The following CRYM variants were observed in gnomAD, a reference collection of about 807,000 sequenced individuals.
CRYM encodes the protein ketimine reductase mu-crystallin.
A neutral mutation model predicts 32.9 loss-of-function variants in CRYM; 18 were observed. That is an observed-to-expected ratio of 0.55 (90% CI 0.38 to 0.81). The LOEUF (loss-of-function observed/expected upper bound fraction) is 0.81, where lower values mean the gene tolerates loss of function less well. Among genes scored for constraint, CRYM ranks in the 30% least tolerant of loss-of-function variants. CRYM has a pLI of 0.00. For synonymous variants in CRYM, 153 were observed against 152.4 expected, an observed-to-expected ratio of 1.00 and a Z score of -0.03; for missense variants, 337 against 393.5, an observed-to-expected ratio of 0.86 and a Z score of 1.21.
intron 1 of CRYM, among the ~76,000 whole-genome samples, chr16:21,295,122 T>C (rs1304603939): frequency 6.6e-6 from 1 of 152,244 alleles, no homozygotes; most frequent in Non-Finnish European, 1.5e-5. Context: ...AGTGCTGCGA[T>C]AAACATACAT....
chr16:21,299,985 T>C (rs1047377702), intron 1 of CRYM: 5 of 152,206 alleles, frequency 3.3e-5, no homozygotes, highest in Non-Finnish European at 7.4e-5. Flanking sequence ...AAGGTGATGG[T>C]AGAAATCTTG....
chr16:21,274,583 A>G (rs1466561294), intron 3 of CRYM, among the ~76,000 whole-genome samples: 2 of 152,026 alleles, frequency 1.3e-5, no homozygotes, highest in Non-Finnish European at 2.9e-5. Flanking sequence ...AACTCAACAG[A>G]TGTTTTTGTT....
chr16:21,298,601 G>T (rs1021297674), intron 1 of CRYM, among the ~76,000 whole-genome samples: 1 of 152,200 alleles, frequency 6.6e-6, no homozygotes, highest in Non-Finnish European at 1.5e-5. Context: ...AATTTTAGGG[G>T]TGCATGTGTA....
At chr16:21,287,528 G>C (rs1236897318) in intron 1 of CRYM, among the ~76,000 whole-genome samples, 1 of 152,194 alleles carries the variant, frequency 6.6e-6, no homozygotes, top group Non-Finnish European at 1.5e-5. Flanking sequence ...GTTGCCAGAG[G>C]AATCAACCAT....
intron 7 of CRYM, among the ~76,000 whole-genome samples, chr16:21,260,010 T>C (rs1053586259): frequency 6.6e-6 from 1 of 152,210 alleles, no homozygotes; most frequent in African/African-American, 2.4e-5. Flanking sequence ...TGTGATGTCT[T>C]TGAACCAGGC....
chr16:21,277,283 G>A lies in CRYM; in HGVS notation c.324+148C>T. On this transcript the variant is annotated intron_variant, in intron 2 of 7. Transcript: ENST00000572914. This position sits in a 1 kb window ranked among gnomAD's most constrained non-coding sequence, Gnocchi z 4.2. The stretch of plus-strand genomic sequence containing the variant: ...TCCTAGAAATAGATACATGGACACA[G>A]ATAACCTTCACTGTTGCTGGTATCC... 1.2e-6 allele frequency: 1 copy of A among 836,290 alleles called. No homozygotes were observed. Among genetic ancestry groups the A allele is most frequent in the Non-Finnish European group, 1.9e-6 (1 of 522,598 alleles). 51.8% of individuals were successfully genotyped at this position (836,290 alleles called of 1,614,324 possible).
At chr16:21,290,922 C>T (rs866659584) in intron 1 of CRYM, among the ~76,000 whole-genome samples, 14 of 152,188 alleles carry the variant, frequency 9.2e-5, no homozygotes, top group Admixed American at 3.9e-4. Context: ...GTTTCTTGTT[C>T]GCATGAGATG....
chr16:21,299,538 G>C (rs563922758), intron 1 of CRYM, among the ~76,000 whole-genome samples: 7 of 152,162 alleles, frequency 4.6e-5, no homozygotes, highest in Non-Finnish European at 8.8e-5. Context: ...CCAAACTCCT[G>C]ACCTCAGGTG....
intron 3 of CRYM, among the ~76,000 whole-genome samples, chr16:21,273,742 T>A (rs953883990): frequency 4.6e-5 from 7 of 152,214 alleles, no homozygotes; most frequent in African/African-American, 1.7e-4. Flanking sequence ...ATTAATACTT[T>A]CTCTGCCTTC....
intron 4 of CRYM, among the ~76,000 whole-genome samples, chr16:21,269,544 C>T (rs966999956): frequency 1.6e-4 from 25 of 152,190 alleles, no homozygotes; most frequent in Non-Finnish European, 1.5e-5. Context: ...ACCGAGTAAG[C>T]TTGCTGTATC....
At chr16:21,269,297 C>T (rs1268904083) in intron 4 of CRYM, among the ~76,000 whole-genome samples, 1 of 151,840 alleles carries the variant, frequency 6.6e-6, no homozygotes, top group Non-Finnish European at 1.5e-5. Context: ...CATAAAATAA[C>T]AATAGCATCA....
At chr16:21,282,555 G>A (rs890844914), upstream of CRYM, among the ~76,000 whole-genome samples, 6 of 152,008 alleles carry the variant, frequency 3.9e-5, no homozygotes, top group Non-Finnish European at 5.9e-5. Flanking sequence ...ATTTAGCCCC[G>A]ATTAAATAGA....
At position 21,266,222 on chromosome 16, in the gene CRYM, TCAAA is replaced by T. The variant is rs372122674; in HGVS notation, c.673+1328_673+1331del. ...CTGGGTGACAGAGTGAGACTCCATC[TCAAA>T]CAAACAAACAAACAAACAAACAAAA... On this transcript the variant is annotated intron_variant, in intron 5 of 7. Transcript: ENST00000572914. 7.4e-3 allele frequency among the ~76,000 whole-genome samples: 1,121 copies of T among 151,958 alleles called. 22 individuals carry two copies. Among genetic ancestry groups the T allele is most frequent in the East Asian group, 0.035 (180 of 5,176 alleles).
chr16:21,267,124 G>A (rs1364169661), intron 5 of CRYM, among the ~76,000 whole-genome samples: 3 of 152,062 alleles, frequency 2.0e-5, no homozygotes, highest in Non-Finnish European at 4.4e-5. Context: ...TTAAGACAGA[G>A]TCTCTCTCTG....
chr16:21,284,909 C>G (rs148873091), intron 1 of CRYM, among the ~76,000 whole-genome samples: 1 of 152,202 alleles, frequency 6.6e-6, no homozygotes, highest in Non-Finnish European at 1.5e-5. Flanking sequence ...TATAAGTGTT[C>G]TCTTTTCTCC....
intron 1 of CRYM, among the ~76,000 whole-genome samples, chr16:21,294,206 G>A (rs886432138): frequency 2.0e-5 from 3 of 152,130 alleles, no homozygotes; most frequent in Admixed American, 6.6e-5. Context: ...GATTTTACAC[G>A]CCCTTGCCCC....
chr16:21,258,691 G>C lies in CRYM; in HGVS notation c.*90C>G, dbSNP rs2093348819. Reference sequence around the variant, plus strand: ...GATAAGCACAAAAGGAGAGTTCACTGGGGACTGGACTCCCTCATTTACTCT... The same window carrying C: ...GATAAGCACAAAAGGAGAGTTCACTCGGGACTGGACTCCCTCATTTACTCT... On this transcript the variant is annotated 3_prime_UTR_variant, in exon 8 of 8. Coordinates refer to ENST00000572914, the MANE Select transcript of CRYM (RefSeq NM_001376256.1). The C allele has an allele frequency of 5.6e-6, 6 of 1,073,410 alleles. No individual in the cohort carries two copies. Among genetic ancestry groups the C allele is most frequent in the Non-Finnish European group, 8.7e-6 (6 of 691,018 alleles). The allele number at this position is 1,073,410 out of a possible 1,614,324, so 66.5% of individuals were successfully genotyped here.
intron 1 of CRYM, among the ~76,000 whole-genome samples, chr16:21,302,589 A>G (rs551982189): frequency 3.3e-5 from 5 of 152,160 alleles, no homozygotes; most frequent in Non-Finnish European, 5.9e-5. Flanking sequence ...ATGAGAGTAG[A>G]AAGGTGCTGG....
intron 1 of CRYM, among the ~76,000 whole-genome samples, chr16:21,286,891 C>A (rs892512353): frequency 2.4e-4 from 37 of 151,928 alleles, no homozygotes; most frequent in Non-Finnish European, 3.8e-4. Flanking sequence ...GAGATGGAGA[C>A]CATCCTGGCT....
Sources: allele counts gnomAD v4.1 joint callset (sites outside exome capture counted in the v4.1 genomes callset), GRCh38; gene constraint gnomAD v4.1.1; non-coding constraint Gnocchi (gnomAD v3.1); transcripts MANE v1.5; gene names NCBI Gene and HGNC (gene_info 2026-07-23, HGNC 2026-07-21).